The following ALKBH1 variants were observed in gnomAD, a reference collection of about 807,000 sequenced individuals.
ALKBH1 encodes nucleic acid dioxygenase ALKBH1.
A neutral mutation model predicts 36.6 loss-of-function variants in ALKBH1; 31 were observed. That is an observed-to-expected ratio of 0.85 (90% confidence interval 0.64 to 1.14). The LOEUF (loss-of-function observed/expected upper bound fraction) is 1.14, where lower values mean the gene tolerates loss of function less well. Among genes scored for constraint, ALKBH1 ranks in the 50% most tolerant of loss-of-function variants. The pLI is 0.00. For synonymous variants in ALKBH1, 183 were observed against 186.6 expected, an observed-to-expected ratio of 0.98 and a Z score of 0.16; for missense variants, 490 against 497.3, an observed-to-expected ratio of 0.99 and a Z score of 0.14.
At position 77,672,653 on chromosome 14, in the gene ALKBH1, AC is replaced by A. The variant is rs1472070210; in HGVS notation, c.*1158del. ...GCACATCATGTTTGTAGAAAGGAGC[AC>A]TTAATTCTCTTTCAAATACCAATAT... is the stretch of plus-strand genomic sequence containing the variant. On this transcript the variant is annotated 3_prime_UTR_variant, in exon 6 of 6. Coordinates refer to ENST00000216489, the MANE Select transcript of ALKBH1 (RefSeq NM_006020.3). 1 of 152,226 alleles carries A rather than the reference AC, an allele frequency of 6.6e-6. No individual in the cohort carries two copies. The highest frequency in any genetic ancestry group is 6.5e-5 in the Admixed American group (1 of 15,280). The allele number at this position is 152,226 out of a possible 1,614,324, so 9.4% of individuals were successfully genotyped here.
Position 77,674,249 on chromosome 14 carries a change from A to C in ALKBH1, c.741-8T>G, listed in dbSNP as rs2080192917. ...ATGGCGGACTGTCCAAAGCTACAAA[A>C]AATAAGTAAAAACACACAACAATAA... is the stretch of plus-strand genomic sequence containing the variant. On this transcript the variant is annotated splice_region_variant and splice_polypyrimidine_tract_variant and intron_variant, in intron 5 of 5. Coordinates refer to ENST00000216489, the MANE Select transcript of ALKBH1 (RefSeq NM_006020.3). 6.5e-7 allele frequency: 1 copy of C among 1,542,864 alleles called. No homozygotes were observed.
At chr14:77,698,719 A>G (rs898105027) in intron 2 of ALKBH1, among the ~76,000 whole-genome samples, 1 of 152,204 alleles carries the variant, frequency 6.6e-6, no homozygotes, top group African/African-American at 2.4e-5. Context: ...GTTTTCTGTC[A>G]AGAACTAGAT....
At chr14:77,698,499 C>G (rs1034634065) in intron 2 of ALKBH1, among the ~76,000 whole-genome samples, 1 of 152,158 alleles carries the variant, frequency 6.6e-6, no homozygotes, top group African/African-American at 2.4e-5. Flanking sequence ...CATGGTTGGA[C>G]AGGTCCTGAG....
intron 2 of ALKBH1, among the ~76,000 whole-genome samples, chr14:77,701,826 G>A (rs996902338): frequency 2.6e-5 from 4 of 152,230 alleles, no homozygotes; most frequent in Admixed American, 2.6e-4. Context: ...AACTCTCCAA[G>A]GATATAATGG....
chr14:77,681,142 C>T (rs2080235736), intron 3 of ALKBH1, among the ~76,000 whole-genome samples: 2 of 152,024 alleles, frequency 1.3e-5, no homozygotes, highest in Admixed American at 6.6e-5. Flanking sequence ...AAGAAAAAAT[C>T]AGATTCCTTT....
chr14:77,696,637 G>A (rs17825458), intron 2 of ALKBH1: 25,412 of 152,370 alleles, frequency 0.17, 2,438 homozygotes, highest in Non-Finnish European at 0.22. Context: ...CATTGGCTGC[G>A]AGGGAGCTAC....
intron 3 of ALKBH1, among the ~76,000 whole-genome samples, chr14:77,680,270 A>G (rs2139845851): frequency 6.6e-6 from 1 of 152,310 alleles, no homozygotes; most frequent in East Asian, 1.9e-4. Flanking sequence ...TGACAAGAGA[A>G]ATGTCTTTAC....
chr14:77,706,106 C>T (rs1549071), intron 1 of ALKBH1, among the ~76,000 whole-genome samples: 48,754 of 150,624 alleles, frequency 0.32, 8,083 homozygotes, highest in Middle Eastern at 0.38. Flanking sequence ...TACACACACA[C>T]ATATATATAT....
In ALKBH1 at chr14:77,675,802, G is replaced by GA. The variant is rs1378767775; in HGVS notation, c.593dup (p.Leu199ProfsTer12). ...AGGCAGCGGCTACTTGCTCTGAGAG[G>GA]AAACCCAGGTCAGAAGGGAAAGGTG... On this transcript the variant is annotated frameshift_variant, in exon 5 of 6. Transcript: ENST00000216489. LOFTEE classifies it high-confidence loss of function. The GA allele has an allele frequency of 6.2e-7, 1 of 1,614,080 alleles. No individual in the cohort carries two copies. Among genetic ancestry groups the GA allele is most frequent in the African/African-American group, 1.3e-5 (1 of 75,028 alleles).
intron 3 of ALKBH1, among the ~76,000 whole-genome samples, chr14:77,690,805 TC>T (rs1057413447): frequency 3.9e-5 from 6 of 151,976 alleles, no homozygotes; most frequent in Non-Finnish European, 7.4e-5. Flanking sequence ...TACACATAAC[TC>T]TTTTTTTTTT....
intron 3 of ALKBH1, among the ~76,000 whole-genome samples, chr14:77,690,952 C>T (rs948827999): frequency 6.6e-6 from 1 of 152,150 alleles, no homozygotes; most frequent in Non-Finnish European, 1.5e-5. Context: ...TAGGCATGCG[C>T]CACCATGCCC....
At chr14:77,700,074 A>AAAAT (rs375475355) in intron 2 of ALKBH1, among the ~76,000 whole-genome samples, 1 of 150,950 alleles carries the variant, frequency 6.6e-6, no homozygotes, top group African/African-American at 2.4e-5. Flanking sequence ...TAAATAAATA[A>AAAAT]AAATAAATAA....
chr14:77,707,606 C>A lies in ALKBH1; in HGVS notation c.183+216G>T, dbSNP rs146833009. 4.6e-5 allele frequency among the ~76,000 whole-genome samples: 7 copies of A among 152,282 alleles called. No individual in the cohort carries two copies. In the South Asian group the frequency reaches 6.2e-4, roughly 14 times the overall value. ...ATTCCCAGGCTCTTTTGACTGAGCG[C>A]CCCCGCCAGGAATGGCCGCCTAAAG... is the stretch of plus-strand genomic sequence containing the variant. On this transcript the variant is annotated intron_variant, in intron 1 of 5. Coordinates refer to ENST00000216489, the MANE Select transcript of ALKBH1 (RefSeq NM_006020.3).
intron 3 of ALKBH1, among the ~76,000 whole-genome samples, chr14:77,688,109 CCTCA>C (rs1278985038): frequency 1.3e-5 from 2 of 152,138 alleles, no homozygotes; most frequent in Non-Finnish European, 2.9e-5. Context: ...TCAGTATTAC[CCTCA>C]CTGCCATGTA....
chr14:77,700,442 G>A (rs910269185), intron 2 of ALKBH1, among the ~76,000 whole-genome samples: 1 of 152,060 alleles, frequency 6.6e-6, no homozygotes, highest in Non-Finnish European at 1.5e-5. Flanking sequence ...TTGGCATCAA[G>A]GAAACCTCAT....
chr14:77,676,102 C>T (rs915640909), intron 4 of ALKBH1, among the ~76,000 whole-genome samples: 3 of 151,106 alleles, frequency 2.0e-5, no homozygotes, highest in Non-Finnish European at 2.9e-5. Flanking sequence ...GCTCAGTGAT[C>T]CTCCTACCTT....
intron 3 of ALKBH1, 93 bp from the exon 4 acceptor site, chr14:77,680,063 T>G: frequency 1.0e-6 from 1 of 953,728 alleles, no homozygotes. Flanking sequence ...TAGTATTACA[T>G]GGTATAAGCC....
intron 3 of ALKBH1, among the ~76,000 whole-genome samples, chr14:77,681,870 C>T (rs1405201501): frequency 6.6e-6 from 1 of 152,214 alleles, no homozygotes; most frequent in East Asian, 1.9e-4. Context: ...CAGATTTTGT[C>T]ACAACCCATT....
At chr14:77,675,177 A>C (rs2080198031) in intron 5 of ALKBH1, among the ~76,000 whole-genome samples, 1 of 152,132 alleles carries the variant, frequency 6.6e-6, no homozygotes. Context: ...TCATGCCTGT[A>C]ATCTCAGCAC....
Sources: gnomAD v4.1 joint callset for allele counts (sites outside exome capture counted in the v4.1 genomes callset) on GRCh38, gnomAD v4.1.1 for gene constraint, MANE v1.5 for transcripts, NCBI Gene and HGNC (gene_info 2026-07-23, HGNC 2026-07-21) for gene names.